The following FRMD5 variants were observed in gnomAD, a reference collection of about 807,000 sequenced individuals.
The protein encoded by FRMD5 is FERM domain containing 5.
Under a neutral mutation model 69.0 loss-of-function variants are expected in FRMD5, and 20 were observed. The observed-to-expected ratio is 0.29, with a 90% CI of 0.20 to 0.42. The LOEUF (loss-of-function observed/expected upper bound fraction) is 0.42, where lower values mean the gene tolerates loss of function less well. FRMD5 is among the 10% of genes least tolerant of loss of function. FRMD5 has a pLI of 1.00. For synonymous variants in FRMD5, 271 were observed against 260.1 expected, an observed-to-expected ratio of 1.04 and a Z score of -0.40; for missense variants, 595 against 708.6, an observed-to-expected ratio of 0.84 and a Z score of 1.82.
At chr15:44,098,120 A>AAAAAAAAAAAAAAAAAAAC (rs1555403630) in intron 1 of FRMD5, among the ~76,000 whole-genome samples, 5 of 142,230 alleles carry the variant, frequency 3.5e-5, no homozygotes, top group Non-Finnish European at 6.0e-5. Flanking sequence ...CAAAACAAAA[A>AAAAAAAAAAAAAAAAAAAC]AAAAAAAACT....
chr15:43,920,870 G>C (rs2089481502), intron 2 of FRMD5, among the ~76,000 whole-genome samples: 2 of 152,206 alleles, frequency 1.3e-5, no homozygotes, highest in Admixed American at 1.3e-4. Context: ...TCTGGCAGGA[G>C]AGCAGCCAGG....
intron 1 of FRMD5, among the ~76,000 whole-genome samples, chr15:44,033,945 C>G (rs1349954479): frequency 6.6e-6 from 1 of 152,036 alleles, no homozygotes; most frequent in Admixed American, 6.6e-5. Flanking sequence ...AGGATTCGCT[C>G]TTATTTATTT....
At chr15:44,073,193 A>C (rs1893614363) in intron 1 of FRMD5, among the ~76,000 whole-genome samples, 1 of 152,086 alleles carries the variant, frequency 6.6e-6, no homozygotes, top group Non-Finnish European at 1.5e-5. Flanking sequence ...TTTCAGGTAA[A>C]TCTTACGTAT....
intron 7 of FRMD5, among the ~76,000 whole-genome samples, chr15:43,893,509 CAG>C (rs1255691191): frequency 6.6e-6 from 1 of 152,182 alleles, no homozygotes; most frequent in Admixed American, 6.5e-5. Flanking sequence ...TCCTTTGTGA[CAG>C]GGGCGTCAGG....
intron 1 of FRMD5, among the ~76,000 whole-genome samples, chr15:44,143,700 C>A (rs1424211565): frequency 6.6e-6 from 1 of 151,112 alleles, no homozygotes; most frequent in Non-Finnish European, 1.5e-5. Flanking sequence ...CCGAGGCAGG[C>A]TGATCACGAG....
chr15:44,094,557 C>A (rs1303707948), intron 1 of FRMD5, among the ~76,000 whole-genome samples: 1 of 152,204 alleles, frequency 6.6e-6, no homozygotes, highest in East Asian at 1.9e-4. Context: ...CTACCATGCT[C>A]AAGTTATTCA....
intron 1 of FRMD5, among the ~76,000 whole-genome samples, chr15:44,020,227 T>A (rs1158977835): frequency 6.6e-6 from 1 of 152,016 alleles, no homozygotes; most frequent in East Asian, 1.9e-4. Context: ...TCATAATATA[T>A]CTTAATAAGA....
intron 1 of FRMD5, among the ~76,000 whole-genome samples, chr15:44,162,605 C>T (rs1158843382): frequency 1.3e-5 from 2 of 152,080 alleles, no homozygotes; most frequent in African/African-American, 4.8e-5. Flanking sequence ...CGGTGACTCA[C>T]GCCTGTGATC....
intron 1 of FRMD5, among the ~76,000 whole-genome samples, chr15:44,038,201 G>T (rs2140305341): frequency 6.6e-6 from 1 of 152,236 alleles, no homozygotes; most frequent in Middle Eastern, 3.4e-3. Context: ...CCCTTTGTCA[G>T]ATGGATAGAT....
At position 43,874,439 on chromosome 15, in the gene FRMD5, C is replaced by T. The variant is rs1261525694; in HGVS notation, c.1159G>A (p.Ala387Thr). Residue 387 changes from alanine (A) to threonine (T), a missense_variant, in exon 14 of 14, where the codon GCC (alanine) becomes ACC (threonine). Coordinates refer to ENST00000417257, the MANE Select transcript of FRMD5 (RefSeq NM_032892.5). ...GTGGAACGCACTGGTGTGGAATGGGCACTGTCCCGTAAGGACTCTAGGCCT... is the reference window on the plus strand; with the variant it reads ...GTGGAACGCACTGGTGTGGAATGGGTACTGTCCCGTAAGGACTCTAGGCCT... Reference protein sequence around the residue: ...MEGLESLRDSAHSTPVRSTSH... With the variant: ...MEGLESLRDSTHSTPVRSTSH... 1.2e-6 allele frequency: 2 copies of T among 1,614,042 alleles called. No individual in the cohort carries two copies. Among genetic ancestry groups the T allele is most frequent in the Non-Finnish European group, 8.5e-7 (1 of 1,180,022 alleles).
intron 1 of FRMD5, among the ~76,000 whole-genome samples, chr15:44,139,084 C>T (rs2077228288): frequency 6.6e-6 from 1 of 151,942 alleles, no homozygotes; most frequent in African/African-American, 2.4e-5. Flanking sequence ...AAAAAAATGA[C>T]TTGTACACTT....
At chr15:44,161,781 A>C (rs1337056826) in intron 1 of FRMD5, among the ~76,000 whole-genome samples, 1 of 152,148 alleles carries the variant, frequency 6.6e-6, no homozygotes, top group Non-Finnish European at 1.5e-5. Context: ...ACTATACCGT[A>C]TCTTCCTCTC....
intron 1 of FRMD5, among the ~76,000 whole-genome samples, chr15:43,963,053 A>G (rs2090230852): frequency 6.6e-6 from 1 of 152,344 alleles, no homozygotes; most frequent in East Asian, 1.9e-4. Flanking sequence ...AAAATTGACA[A>G]ATGGGATCTA....
upstream of FRMD5, among the ~76,000 whole-genome samples, chr15:44,195,472 C>T (rs141804818): frequency 6.6e-6 from 1 of 152,362 alleles, no homozygotes; most frequent in East Asian, 1.9e-4. Flanking sequence ...CCTCTAGCGT[C>T]CCAAACGAGG....
intron 1 of FRMD5, among the ~76,000 whole-genome samples, chr15:43,979,175 C>CA (rs1452689882): frequency 4.0e-5 from 6 of 151,790 alleles, no homozygotes; most frequent in Non-Finnish European, 7.4e-5. Context: ...CCATCTCTAC[C>CA]AAAAAAATAC....
rs912455988 is a variant in FRMD5 at position 43,976,672 on chromosome 15, T to G, written c.103-52363A>C. ...TGACGTTTTTATACTAAAGTTTCTTTTTTTTATTTTTGAGACGGAGTTTTG... is the reference window on the plus strand; with the variant it reads ...TGACGTTTTTATACTAAAGTTTCTTGTTTTTATTTTTGAGACGGAGTTTTG... On this transcript the variant is annotated intron_variant, in intron 1 of 13. Coordinates refer to ENST00000417257, the MANE Select transcript of FRMD5 (RefSeq NM_032892.5). 3.3e-5 allele frequency among the ~76,000 whole-genome samples: 5 copies of G among 152,200 alleles called. No homozygotes were observed. The East Asian group carries it at 7.7e-4, about 23-fold the overall frequency.
At chr15:43,883,875 T>C in intron 12 of FRMD5, 66 bp from the exon 13 acceptor site, 3 of 1,149,780 alleles carry the variant, frequency 2.6e-6, no homozygotes, top group Non-Finnish European at 4.0e-6. Context: ...CACTTAAGAA[T>C]TGAGTACTGG....
chr15:44,033,211 A>G (rs1310966636), intron 1 of FRMD5, among the ~76,000 whole-genome samples: 1 of 152,108 alleles, frequency 6.6e-6, no homozygotes, highest in Non-Finnish European at 1.5e-5. Flanking sequence ...TAAACACAAG[A>G]AGGAAATAAC....
At chr15:44,072,437 A>T (rs750320763) in intron 1 of FRMD5, among the ~76,000 whole-genome samples, 1 of 152,178 alleles carries the variant, frequency 6.6e-6, no homozygotes, top group Non-Finnish European at 1.5e-5. Context: ...TCCCTTGTTA[A>T]TACAGTAAGA....
Sources: gnomAD v4.1 joint callset for allele counts (sites outside exome capture counted in the v4.1 genomes callset) on GRCh38, gnomAD v4.1.1 for gene constraint, MANE v1.5 for transcripts, NCBI Gene and HGNC (gene_info 2026-07-23, HGNC 2026-07-21) for gene names.